Variants in EPHA6 observed in about 807,000 individuals in gnomAD.
EPHA6 encodes EPH receptor A6.
In EPHA6, 50 loss-of-function variants were observed where a neutral mutation model predicts 112.0. The observed-to-expected ratio is 0.45, with a 90% CI of 0.36 to 0.56. EPHA6 has a LOEUF of 0.56. Among genes scored for constraint, EPHA6 ranks in the 20% least tolerant of loss-of-function variants. EPHA6 has a pLI of 0.00. For synonymous variants in EPHA6, 529 were observed against 490.7 expected (o/e 1.08, Z -1.03); for missense variants, 1,280 against 1,417.4 (o/e 0.90, Z 1.56).
intron 5 of EPHA6, among the ~76,000 whole-genome samples, chr3:97,399,643 A>T (rs1384569435): frequency 6.6e-6 from 1 of 151,594 alleles, no homozygotes; most frequent in East Asian, 1.9e-4. Context: ...GAGTGAGATG[A>T]TAGTTTATTG....
intron 3 of EPHA6, among the ~76,000 whole-genome samples, chr3:97,013,647 A>G (rs961331522): frequency 6.6e-6 from 1 of 152,206 alleles, no homozygotes; most frequent in African/African-American, 2.4e-5. Context: ...ATGTATATAC[A>G]CTTTGTATAC....
At chr3:97,732,882 G>A (rs1387323673) in intron 15 of EPHA6, among the ~76,000 whole-genome samples, 1 of 152,010 alleles carries the variant, frequency 6.6e-6, no homozygotes, top group Non-Finnish European at 1.5e-5. Flanking sequence ...GTCCCTTTGT[G>A]TTTGGCACCT....
chr3:97,632,783 G>A (rs2093914518), intron 13 of EPHA6, among the ~76,000 whole-genome samples: 1 of 152,064 alleles, frequency 6.6e-6, no homozygotes, highest in Non-Finnish European at 1.5e-5. Flanking sequence ...CTGAAGATAT[G>A]AGCAAGGGTC....
At chr3:97,640,314 T>C (rs185875527) in intron 14 of EPHA6, among the ~76,000 whole-genome samples, 67 of 152,032 alleles carry the variant, frequency 4.4e-4, no homozygotes, top group Admixed American at 1.7e-3. Flanking sequence ...TCGATGAAAA[T>C]TTGGGGCCAT....
chr3:97,463,958 C>A (rs1178816657), intron 7 of EPHA6, among the ~76,000 whole-genome samples: 1 of 152,096 alleles, frequency 6.6e-6, no homozygotes, highest in Admixed American at 6.6e-5. Context: ...ATGTCCCAGA[C>A]TAGGCTTCAA....
At chr3:97,358,178 T>A (rs554343747) in intron 5 of EPHA6, among the ~76,000 whole-genome samples, 51 of 152,268 alleles carry the variant, frequency 3.3e-4, no homozygotes, top group African/African-American at 1.2e-3. Context: ...TATTTTCTTA[T>A]TTGTGTTGTT....
rs758462964 is a variant in EPHA6 at position 97,226,355 on chromosome 3, T to C, written c.1206T>C (p.Ser402=). ...GTTTAACATACATGGAAGCAACTTC[T>C]GTCTGTCAGTGTGAAAAGGGTTATT... The part of the protein sequence containing the change: ...PHSLTYMEAT[S]VCQCEKGYFR... The change falls in exon 4 of 18, where the codon TCT becomes TCC. Residue 402 remains serine, a synonymous_variant. Transcript: ENST00000389672. The C allele has an allele frequency of 1.9e-6, 3 of 1,613,848 alleles. No homozygotes were observed. Among genetic ancestry groups the C allele is most frequent in the Non-Finnish European group, 2.5e-6 (3 of 1,179,760 alleles).
intron 6 of EPHA6, among the ~76,000 whole-genome samples, chr3:97,406,475 G>A (rs772073888): frequency 6.6e-6 from 1 of 152,050 alleles, no homozygotes; most frequent in African/African-American, 2.4e-5. Context: ...CACCAATCCC[G>A]CAAATGAAGC....
chr3:97,030,285 C>T (rs1225397679), intron 3 of EPHA6, among the ~76,000 whole-genome samples: 1 of 152,070 alleles, frequency 6.6e-6, no homozygotes, highest in Non-Finnish European at 1.5e-5. Flanking sequence ...GCCATTAGTT[C>T]ACACTGGACC....
rs1209187568 is a variant in EPHA6, at chr3:97,686,446, A to G, written c.2785-33815A>G. Among the ~76,000 whole-genome samples the G allele has an allele frequency of 4.6e-5, 7 of 152,202 alleles. No homozygotes were observed. The East Asian group carries it at 1.3e-3, about 29-fold the overall frequency. Reference sequence around the variant, plus strand: ...AAGATCTATCCCTAGGGAACTCACAATCACAGCAGTAAATCAGATGCATAA... The same window carrying G: ...AAGATCTATCCCTAGGGAACTCACAGTCACAGCAGTAAATCAGATGCATAA... On this transcript the variant is annotated intron_variant, in intron 14 of 17. Coordinates refer to ENST00000389672, the MANE Select transcript of EPHA6 (RefSeq NM_001080448.3).
rs368616119 is a variant in EPHA6 at position 97,483,943 on chromosome 3, C to T, written c.2084C>T (p.Pro695Leu). 2.0e-5 allele frequency: 32 copies of T among 1,594,668 alleles called. 1 individual carries two copies. Among genetic ancestry groups the T allele is most frequent in the East Asian group, 1.4e-4 (6 of 43,956 alleles). The change falls in exon 10 of 18, where the codon CCG (proline) becomes CTG (leucine). Residue 695 changes from proline to leucine, a missense_variant. This residue lies in a region of EPHA6 where 878 missense variants were observed against 999.7 expected (regional missense o/e 0.88). Transcript: ENST00000389672. ...NHLQNGHLRF[P>L]GIKTYIDPDT... ...GTTATTGTTGTTGCAGTGCGCTTCC[C>T]GGGAATTAAAACTTACATTGATCCA... is the stretch of plus-strand genomic sequence containing the variant.
intron 3 of EPHA6, among the ~76,000 whole-genome samples, chr3:97,077,464 T>G (rs2046565573): frequency 6.6e-6 from 1 of 152,160 alleles, no homozygotes; most frequent in Non-Finnish European, 1.5e-5. Context: ...TAGGTATACA[T>G]GTGCCATGCT....
At chr3:96,819,959 A>G (rs1348662683) in intron 1 of EPHA6, among the ~76,000 whole-genome samples, 1 of 152,166 alleles carries the variant, frequency 6.6e-6, no homozygotes, top group Non-Finnish European at 1.5e-5. Flanking sequence ...GAGATGTGCT[A>G]TTTGAAATGG....
chr3:96,878,566 T>A, intron 2 of EPHA6, among the ~76,000 whole-genome samples: 1 of 152,056 alleles, frequency 6.6e-6, no homozygotes, highest in East Asian at 1.9e-4. Context: ...CTTAATAGTC[T>A]AGATGCAGAC....
intron 5 of EPHA6, among the ~76,000 whole-genome samples, chr3:97,389,000 G>A (rs1345675128): frequency 2.6e-5 from 4 of 152,086 alleles, no homozygotes; most frequent in Admixed American, 6.6e-5. Flanking sequence ...GCTGTTGTGG[G>A]CCCATTTTGA....
At chr3:97,693,268 G>A (rs1481213355) in intron 14 of EPHA6, among the ~76,000 whole-genome samples, 1 of 152,146 alleles carries the variant, frequency 6.6e-6, no homozygotes, top group Non-Finnish European at 1.5e-5. Context: ...ACCTGAACAG[G>A]AAGAGGCACA....
chr3:97,602,045 A>G (rs530493639), intron 12 of EPHA6, among the ~76,000 whole-genome samples: 3 of 152,166 alleles, frequency 2.0e-5, no homozygotes, highest in South Asian at 4.1e-4. Context: ...AATATTCAGG[A>G]TGTAACACTT....
intron 3 of EPHA6, among the ~76,000 whole-genome samples, chr3:97,199,874 G>A (rs941377910): frequency 6.6e-6 from 1 of 152,236 alleles, no homozygotes; most frequent in Non-Finnish European, 1.5e-5. Context: ...CGGATGCTGG[G>A]GGGGTGACAA....
At chr3:97,402,655 C>A (rs538294798) in intron 5 of EPHA6, among the ~76,000 whole-genome samples, 2 of 152,040 alleles carry the variant, frequency 1.3e-5, no homozygotes, top group African/African-American at 4.8e-5. Flanking sequence ...AGTGCTTTTT[C>A]TTATATGCGA....
Sources: gnomAD v4.1 joint callset for allele counts (sites outside exome capture counted in the v4.1 genomes callset) on GRCh38, gnomAD v4.1.1 for gene constraint, gnomAD v4.1.1 regional missense constraint, MANE v1.5 for transcripts, NCBI Gene and HGNC (gene_info 2026-07-23, HGNC 2026-07-21) for gene names.